The following PDGFC variants were observed in gnomAD, a reference collection of about 807,000 sequenced individuals.
PDGFC encodes platelet-derived growth factor C.
A neutral mutation model predicts 35.5 loss-of-function variants in PDGFC; 12 were observed. The ratio of observed to expected loss-of-function variants is 0.34; its 90% CI spans 0.22 to 0.55. PDGFC has a LOEUF of 0.55. Ranked by LOEUF, PDGFC falls within the 20% of genes least tolerant of loss-of-function variation. The pLI is 0.91. For synonymous variants in PDGFC, 159 were observed against 148.8 expected (o/e 1.07, Z -0.50); for missense variants, 322 against 412.4 (o/e 0.78, Z 1.90).
At position 156,778,256 on chromosome 4, in the gene PDGFC, C is replaced by T. The variant is rs186494059; in HGVS notation, c.496-5363G>A. ...AGAAGAGAGTTTTCTCTTGCCAAAA[C>T]GAGAATCTGCTATTATGAATCACAC... On this transcript the variant is annotated intron_variant, in intron 3 of 5. Transcript: ENST00000502773. The T allele has an allele frequency of 1.4e-3, 491 of 351,712 alleles. 6 individuals carry two copies. The highest frequency in any genetic ancestry group is 4.8e-3 in the South Asian group (219 of 45,622). 21.8% of individuals were successfully genotyped at this position (351,712 alleles called of 1,614,324 possible). A position where few individuals can be genotyped will look rare whatever the true frequency, so the allele number is the denominator to read the frequency against.
At chr4:156,863,112 T>C (rs1729757077) in intron 1 of PDGFC, among the ~76,000 whole-genome samples, 1 of 152,184 alleles carries the variant, frequency 6.6e-6, no homozygotes, top group African/African-American at 2.4e-5. Context: ...ACTTAATTAT[T>C]ATGAAAACAG....
chr4:156,782,904 T>C (rs1213989091), intron 3 of PDGFC, among the ~76,000 whole-genome samples: 1 of 152,060 alleles, frequency 6.6e-6, no homozygotes, highest in Non-Finnish European at 1.5e-5. Context: ...AGAATATGAA[T>C]AATATAGCCA....
At chr4:156,851,647 TAAAAATCCATGTA>T (rs796201573) in intron 1 of PDGFC, among the ~76,000 whole-genome samples, 3 of 152,130 alleles carry the variant, frequency 2.0e-5, no homozygotes, top group African/African-American at 7.2e-5. Context: ...CTCCAGGCCA[TAAAAATCCATGTA>T]AGGACCATCG....
chr4:156,882,810 C>T (rs1386826456), intron 1 of PDGFC, among the ~76,000 whole-genome samples: 1 of 152,148 alleles, frequency 6.6e-6, no homozygotes, highest in African/African-American at 2.4e-5. Context: ...TCAGGCTGGG[C>T]ATGGTGGCTC....
intron 2 of PDGFC, among the ~76,000 whole-genome samples, chr4:156,819,304 A>G (rs1038195098): frequency 1.3e-5 from 2 of 151,970 alleles, no homozygotes; most frequent in African/African-American, 4.8e-5. Context: ...GAAGAAGATG[A>G]CATCTAGTAA....
At chr4:156,772,447 A>T (rs950985993) in intron 4 of PDGFC, among the ~76,000 whole-genome samples, 10 of 152,176 alleles carry the variant, frequency 6.6e-5, no homozygotes, top group Non-Finnish European at 1.3e-4. Context: ...GATAATATAT[A>T]ACTGGAATTT....
chr4:156,821,005 G>A (rs1732237632), intron 2 of PDGFC, among the ~76,000 whole-genome samples: 1 of 152,126 alleles, frequency 6.6e-6, no homozygotes, highest in African/African-American at 2.4e-5. Context: ...AGATACAGAA[G>A]AAACAAACGA....
intron 1 of PDGFC, among the ~76,000 whole-genome samples, chr4:156,922,155 A>AGTGTGT (rs3070262): frequency 0.015 from 2,246 of 145,332 alleles, 29 homozygotes; most frequent in East Asian, 0.072. Flanking sequence ...AAGGATTCAT[A>AGTGTGT]GTGTGTGTGT....
At chr4:156,812,573 ATAC>A (rs1269089126) in intron 2 of PDGFC, among the ~76,000 whole-genome samples, 1 of 152,118 alleles carries the variant, frequency 6.6e-6, no homozygotes, top group Non-Finnish European at 1.5e-5. Context: ...ACTACCAAAA[ATAC>A]TACATTTTAC....
intron 1 of PDGFC, among the ~76,000 whole-genome samples, chr4:156,913,071 A>G (rs530457928): frequency 2.0e-5 from 3 of 152,260 alleles, no homozygotes; most frequent in African/African-American, 7.2e-5. Context: ...TTTGGCTCTT[A>G]AAAGTTGGTC....
intron 4 of PDGFC, among the ~76,000 whole-genome samples, chr4:156,772,051 C>CCATATGGG (rs1449324029): frequency 6.6e-6 from 1 of 151,960 alleles, no homozygotes; most frequent in Non-Finnish European, 1.5e-5. Flanking sequence ...AAAGATACAC[C>CCATATGGG]CATATGGGCA....
chr4:156,914,539 G>T (rs1047330602), intron 1 of PDGFC, among the ~76,000 whole-genome samples: 4 of 152,146 alleles, frequency 2.6e-5, no homozygotes, highest in African/African-American at 9.7e-5. Context: ...AGTTATCACT[G>T]ATCCCTTAAC....
At chr4:156,898,666 G>T (rs566930032) in intron 1 of PDGFC, among the ~76,000 whole-genome samples, 26 of 149,058 alleles carry the variant, frequency 1.7e-4, no homozygotes, top group Non-Finnish European at 3.0e-4. Flanking sequence ...CTTTTCTTTT[G>T]CTCTTTTTTT....
chr4:156,922,037 T>A (rs533251890), intron 1 of PDGFC, among the ~76,000 whole-genome samples: 1 of 152,314 alleles, frequency 6.6e-6, no homozygotes, highest in East Asian at 1.9e-4. Context: ...AAGGGATCTT[T>A]AGCCTAGTGA....
chr4:156,822,526 A>G (rs888847392), intron 2 of PDGFC, among the ~76,000 whole-genome samples: 6 of 152,114 alleles, frequency 3.9e-5, no homozygotes, highest in Admixed American at 2.6e-4. Flanking sequence ...GGCTTGTAAA[A>G]TATTCATATA....
intron 1 of PDGFC, among the ~76,000 whole-genome samples, chr4:156,958,121 A>C (rs1377908663): frequency 1.3e-5 from 2 of 151,998 alleles, no homozygotes; most frequent in Admixed American, 1.3e-4. Context: ...ACCTAACTGC[A>C]TGTCTTCTCT....
At chr4:156,849,004 A>G (rs1274005424) in intron 2 of PDGFC, among the ~76,000 whole-genome samples, 1 of 152,042 alleles carries the variant, frequency 6.6e-6, no homozygotes. Context: ...ATTACTTACT[A>G]CTTTGCAAGT....
intron 1 of PDGFC, among the ~76,000 whole-genome samples, chr4:156,928,078 T>G (rs1407805967): frequency 6.6e-6 from 1 of 152,126 alleles, no homozygotes; most frequent in Non-Finnish European, 1.5e-5. Context: ...TTCATGAGAC[T>G]TATTCACTAC....
chr4:156,878,037 C>T (rs533189105), intron 1 of PDGFC, among the ~76,000 whole-genome samples: 3 of 152,240 alleles, frequency 2.0e-5, no homozygotes, highest in African/African-American at 4.8e-5. Context: ...GGTAAGTTCC[C>T]GAGGTATAGG....
Sources: allele counts gnomAD v4.1 joint callset (sites outside exome capture counted in the v4.1 genomes callset), GRCh38; gene constraint gnomAD v4.1.1; transcripts MANE v1.5; gene names NCBI Gene and HGNC (gene_info 2026-07-23, HGNC 2026-07-21).